The following PIK3C2A variants were observed in gnomAD, a reference collection of about 807,000 sequenced individuals.
The protein encoded by PIK3C2A is phosphatidylinositol-4-phosphate 3-kinase catalytic subunit type 2 alpha, also known as phosphatidylinositol 4-phosphate 3-kinase C2 domain-containing subunit alpha.
A neutral mutation model predicts 204.5 loss-of-function variants in PIK3C2A; 97 were observed. The ratio of observed to expected loss-of-function variants is 0.47; its 90% CI spans 0.40 to 0.56. The LOEUF (loss-of-function observed/expected upper bound fraction) is 0.56. PIK3C2A is among the 20% of genes least tolerant of loss of function. The pLI, the probability that PIK3C2A is intolerant of heterozygous loss-of-function variation, is 0.00. For synonymous variants in PIK3C2A, 653 were observed against 664.4 expected, an observed-to-expected ratio of 0.98 and a Z score of 0.26; for missense variants, 1,735 against 1,969.2, an observed-to-expected ratio of 0.88 and a Z score of 2.25.
chr11:17,155,966 TA>T (rs1366747454), intron 2 of PIK3C2A, among the ~76,000 whole-genome samples: 1 of 152,188 alleles, frequency 6.6e-6, no homozygotes, highest in Non-Finnish European at 1.5e-5. Context: ...CTCTCTGTTT[TA>T]AGAATATGAA....
In PIK3C2A at chr11:17,088,669, T is replaced by C. The variant is rs1848214475; in HGVS notation, c.*1069A>G. Reference sequence around the variant, plus strand: ...ATGTTTACACACATAAGTAAGACAGTTTACAAGACAAACTGGTCTACACAG... The same window carrying C: ...ATGTTTACACACATAAGTAAGACAGCTTACAAGACAAACTGGTCTACACAG... On this transcript the variant is annotated 3_prime_UTR_variant, in exon 33 of 33. Transcript: ENST00000691414. 1 of 152,222 alleles carries C rather than the reference T, an allele frequency of 6.6e-6. No homozygotes were observed. The highest frequency in any genetic ancestry group is 1.5e-5 in the Non-Finnish European group (1 of 68,040). The allele number at this position is 152,222 out of a possible 1,614,324, so 9.4% of individuals were successfully genotyped here. A position where few individuals can be genotyped will look rare whatever the true frequency, so the allele number is the denominator to read the frequency against.
intron 1 of PIK3C2A, among the ~76,000 whole-genome samples, chr11:17,178,874 C>T (rs981039644): frequency 1.3e-4 from 20 of 151,362 alleles, no homozygotes; most frequent in Admixed American, 1.1e-3. Context: ...GGACTACAGG[C>T]GCCCGCCACC....
chr11:17,204,229 C>T (rs1383270795), intron 1 of PIK3C2A: 2 of 152,102 alleles, frequency 1.3e-5, no homozygotes, highest in Non-Finnish European at 2.9e-5. Flanking sequence ...TGTGGCTGTT[C>T]CAAATTGAGA....
chr11:17,122,541 T>C (rs1849398660), intron 14 of PIK3C2A, among the ~76,000 whole-genome samples, 161 bp downstream of exon 14: 1 of 152,198 alleles, frequency 6.6e-6, no homozygotes, highest in South Asian at 2.1e-4. Flanking sequence ...GTGCATGTTT[T>C]ACTGCTTCTC....
Position 17,101,265 on chromosome 11 carries a change from AAAG to A in PIK3C2A, c.4008+10_4008+12del. On this transcript the variant is annotated intron_variant, in intron 25 of 32. Transcript: ENST00000691414. ...AATATAAAACTAATTAAGTGCTTAT[AAAG>A]AATAGTTACCAGTGAAAGGAGGTTA... The A allele has an allele frequency of 7.0e-7, 1 of 1,437,618 alleles. No homozygotes were observed. The highest frequency in any genetic ancestry group is 2.3e-5 in the East Asian group (1 of 43,266). 89.1% of individuals were successfully genotyped at this position (1,437,618 alleles called of 1,614,324 possible).
intron 8 of PIK3C2A, among the ~76,000 whole-genome samples, chr11:17,144,894 CAA>C (rs35069519): frequency 0.017 from 1,314 of 77,620 alleles, 5 homozygotes; most frequent in African/African-American, 0.055. Context: ...GACTCAGCCT[CAA>C]AAAAAAAAAA....
intron 24 of PIK3C2A, 132 bp downstream of exon 24, chr11:17,102,530 A>C: frequency 4.6e-6 from 3 of 655,132 alleles, no homozygotes; most frequent in Non-Finnish European, 8.1e-6. Flanking sequence ...TGGTATGGTC[A>C]TATCTTTGGG....
intron 1 of PIK3C2A, among the ~76,000 whole-genome samples, chr11:17,194,866 G>A (rs1852091401): frequency 1.3e-5 from 2 of 149,166 alleles, no homozygotes; most frequent in African/African-American, 2.5e-5. Flanking sequence ...CCGAGACTGC[G>A]ACATTGCACT....
chr11:17,128,607 A>G (rs961706002), intron 13 of PIK3C2A, among the ~76,000 whole-genome samples: 1 of 152,200 alleles, frequency 6.6e-6, no homozygotes, highest in African/African-American at 2.4e-5. Flanking sequence ...TGAATGTAAC[A>G]TATCCCGAAC....
At chr11:17,138,325 C>CTTTT (rs61085828) in intron 8 of PIK3C2A, 1 of 350,608 alleles carries the variant, frequency 2.9e-6, no homozygotes. Flanking sequence ...AGCCAGCTTC[C>CTTTT]TTTTTTTTTT....
intron 15 of PIK3C2A, among the ~76,000 whole-genome samples, chr11:17,121,249 C>G (rs1849357941): frequency 6.6e-6 from 1 of 151,592 alleles, no homozygotes; most frequent in South Asian, 2.1e-4. Flanking sequence ...TCCTGAGTCG[C>G]TAGGACTACA....
intron 2 of PIK3C2A, among the ~76,000 whole-genome samples, chr11:17,165,116 C>T (rs1850903415): frequency 6.6e-6 from 1 of 152,174 alleles, no homozygotes; most frequent in East Asian, 1.9e-4. Flanking sequence ...ACAACCTGTG[C>T]TTTGGGTTTT....
chr11:17,100,712 A>T (rs1305229734), intron 25 of PIK3C2A, among the ~76,000 whole-genome samples: 1 of 152,130 alleles, frequency 6.6e-6, no homozygotes, highest in East Asian at 1.9e-4. Context: ...AATGTCTATT[A>T]TTCTACTCTT....
At chr11:17,185,716 C>T in intron 1 of PIK3C2A, among the ~76,000 whole-genome samples, 1 of 152,186 alleles carries the variant, frequency 6.6e-6, no homozygotes, top group East Asian at 1.9e-4. Flanking sequence ...TACTTACAGG[C>T]TCTATCTTCA....
intron 1 of PIK3C2A, among the ~76,000 whole-genome samples, chr11:17,201,079 G>A (rs1309252100): frequency 6.6e-6 from 1 of 152,030 alleles, no homozygotes; most frequent in Non-Finnish European, 1.5e-5. Context: ...GGTGGCAGAC[G>A]CCTGTAATCC....
chr11:17,157,849 A>T (rs1167834966), intron 2 of PIK3C2A, among the ~76,000 whole-genome samples: 1 of 152,226 alleles, frequency 6.6e-6, no homozygotes, highest in Non-Finnish European at 1.5e-5. Context: ...ATGGGATTTT[A>T]TATTTCCTAG....
Position 17,164,150 on chromosome 11 carries a change from G to A in PIK3C2A, c.1065+4527C>T, listed in dbSNP as rs1357224807. ...TCTTTTCAAGACATACTCTAGGCTG[G>A]GCACAATGGCTTACACCACAGGGAG... is the stretch of plus-strand genomic sequence containing the variant. On this transcript the variant is annotated intron_variant, in intron 2 of 32. Transcript: ENST00000691414. 2.6e-5 allele frequency among the ~76,000 whole-genome samples: 4 copies of A among 151,976 alleles called. No homozygotes were observed. In the South Asian group the frequency reaches 8.3e-4, roughly 32 times the overall value.
intron 28 of PIK3C2A, among the ~76,000 whole-genome samples, chr11:17,093,305 T>C (rs908380245): frequency 2.0e-5 from 3 of 152,232 alleles, no homozygotes; most frequent in Admixed American, 6.5e-5. Context: ...CTCGCTCTGT[T>C]GCCCAGGCTG....
intron 21 of PIK3C2A, among the ~76,000 whole-genome samples, chr11:17,111,336 A>G (rs903126202): frequency 5.9e-5 from 9 of 152,152 alleles, no homozygotes; most frequent in African/African-American, 1.7e-4. Context: ...TATTACTATG[A>G]AGAAGAGTAC....
Sources: gnomAD v4.1 joint callset for allele counts (sites outside exome capture counted in the v4.1 genomes callset) on GRCh38, gnomAD v4.1.1 for gene constraint, MANE v1.5 for transcripts, NCBI Gene and HGNC (gene_info 2026-07-23, HGNC 2026-07-21) for gene names.